RFX3: variants seen among roughly 807,000 people sequenced by gnomAD.
The protein encoded by RFX3 is transcription factor RFX3.
In RFX3, 14 loss-of-function variants were observed where a neutral mutation model predicts 98.6. That is an observed-to-expected ratio of 0.14 (90% CI 0.09 to 0.22). The LOEUF (loss-of-function observed/expected upper bound fraction) is 0.22. Ranked by LOEUF, RFX3 falls within the 10% of genes least tolerant of loss-of-function variation. RFX3 has a pLI of 1.00. For synonymous variants in RFX3, 383 were observed against 328.4 expected, an observed-to-expected ratio of 1.17 and a Z score of -1.80; for missense variants, 639 against 926.9, an observed-to-expected ratio of 0.69 and a Z score of 4.03.
Position 3,223,629 on chromosome 9 carries a change from A to T in RFX3, c.*1413T>A, listed in dbSNP as rs1479314076. ...TAAAAAATAGATCCACGGTCACTCA[A>T]AGAGGGAAACTGATTTTTGTCTTTT... On this transcript the variant is annotated 3_prime_UTR_variant, in exon 17 of 17. Coordinates refer to ENST00000617270, the MANE Select transcript of RFX3 (RefSeq NM_001282116.2). 6.6e-6 allele frequency: 1 copy of T among 152,214 alleles called. No individual in the cohort carries two copies. Among genetic ancestry groups the T allele is most frequent in the Non-Finnish European group, 1.5e-5 (1 of 68,036 alleles). The allele number at this position is 152,214 out of a possible 1,614,324, so 9.4% of individuals were successfully genotyped here.
At chr9:3,447,997 C>A (rs1486414099) in intron 1 of RFX3, among the ~76,000 whole-genome samples, 2 of 152,144 alleles carry the variant, frequency 1.3e-5, no homozygotes, top group East Asian at 1.9e-4. Flanking sequence ...CAAGGAATCA[C>A]AAGCATTTTC....
chr9:3,280,364 C>G (rs943477474), intron 7 of RFX3, among the ~76,000 whole-genome samples: 4 of 151,702 alleles, frequency 2.6e-5, no homozygotes, highest in Non-Finnish European at 5.9e-5. Context: ...GCTTTTCTTG[C>G]TTTAAGTAAT....
At chr9:3,341,310 C>T (rs894377150) in intron 3 of RFX3, among the ~76,000 whole-genome samples, 14 of 151,500 alleles carry the variant, frequency 9.2e-5, no homozygotes, top group South Asian at 4.2e-4. Flanking sequence ...TGCTAAATGA[C>T]GAGTTAATGG....
intron 3 of RFX3, among the ~76,000 whole-genome samples, chr9:3,332,437 C>T (rs898460080): frequency 6.6e-6 from 1 of 152,098 alleles, no homozygotes; most frequent in African/African-American, 2.4e-5. Flanking sequence ...TCTTATGTTG[C>T]TGCTCAAAAA....
At chr9:3,330,595 T>G (rs1832477290) in intron 3 of RFX3, 78 bp from the exon 4 acceptor site, 1 of 1,326,162 alleles carries the variant, frequency 7.5e-7, no homozygotes. Context: ...ATGAATGTAA[T>G]TGAAATATAT....
At chr9:3,365,948 A>G (rs1837012412) in intron 2 of RFX3, among the ~76,000 whole-genome samples, 2 of 151,762 alleles carry the variant, frequency 1.3e-5, no homozygotes, top group South Asian at 4.1e-4. Context: ...TTAACTCTCT[A>G]ACTTAGGAGT....
intron 2 of RFX3, among the ~76,000 whole-genome samples, chr9:3,349,362 A>T (rs965549656): frequency 6.6e-6 from 1 of 152,080 alleles, no homozygotes; most frequent in African/African-American, 2.4e-5. Flanking sequence ...GTATTACTAT[A>T]AAGTCACTTA....
At chr9:3,458,883 T>G (rs1199678805) in intron 1 of RFX3, among the ~76,000 whole-genome samples, 1 of 152,188 alleles carries the variant, frequency 6.6e-6, no homozygotes, top group Non-Finnish European at 1.5e-5. Flanking sequence ...GAATAAGTAG[T>G]TACAGACAAA....
chr9:3,487,283 G>A (rs1450674454), intron 1 of RFX3, among the ~76,000 whole-genome samples: 1 of 152,328 alleles, frequency 6.6e-6, no homozygotes, highest in South Asian at 2.1e-4. Flanking sequence ...TACAAAGAAT[G>A]AGGATATTTA....
At chr9:3,324,412 T>C (rs1267053981) in intron 4 of RFX3, among the ~76,000 whole-genome samples, 1 of 152,096 alleles carries the variant, frequency 6.6e-6, no homozygotes, top group Non-Finnish European at 1.5e-5. Context: ...TAATCCAATA[T>C]TATTTCAACA....
At chr9:3,297,178 T>C (rs187897565) in intron 5 of RFX3, among the ~76,000 whole-genome samples, 177 of 152,238 alleles carry the variant, frequency 1.2e-3, no homozygotes, top group Middle Eastern at 0.01. Context: ...GACATTAGTA[T>C]TCCCCAATCT....
intron 1 of RFX3, among the ~76,000 whole-genome samples, chr9:3,439,862 T>C (rs1016962829): frequency 2.6e-5 from 4 of 151,978 alleles, no homozygotes; most frequent in African/African-American, 9.7e-5. Context: ...TACATAAATG[T>C]AAAAATCTTA....
intron 1 of RFX3, among the ~76,000 whole-genome samples, chr9:3,517,275 G>T (rs1818274979): frequency 6.6e-6 from 1 of 152,056 alleles, no homozygotes; most frequent in Non-Finnish European, 1.5e-5. Flanking sequence ...CCAGGCTAAG[G>T]TTTTACAGTT....
At chr9:3,438,183 G>A (rs990946123) in intron 1 of RFX3, among the ~76,000 whole-genome samples, 2 of 152,052 alleles carry the variant, frequency 1.3e-5, no homozygotes, top group African/African-American at 4.8e-5. Flanking sequence ...CCTAAAAAAG[G>A]TCATTCAAAA....
intron 1 of RFX3, among the ~76,000 whole-genome samples, chr9:3,467,285 CAT>C (rs922512356): frequency 7.0e-5 from 10 of 142,208 alleles, no homozygotes; most frequent in Non-Finnish European, 1.2e-4. Flanking sequence ...CATATATATA[CAT>C]ATATATACAC....
intron 7 of RFX3, 27 bp downstream of exon 7, chr9:3,288,104 C>T: frequency 6.2e-7 from 1 of 1,610,968 alleles, no homozygotes; most frequent in South Asian, 1.1e-5. Flanking sequence ...ATAGCTTGGA[C>T]ACATCAATGA....
chr9:3,369,081 C>A (rs1329762558), intron 2 of RFX3, among the ~76,000 whole-genome samples: 1 of 152,144 alleles, frequency 6.6e-6, no homozygotes, highest in East Asian at 1.9e-4. Flanking sequence ...GAAAAAATCA[C>A]AAAGGCAAAT....
At chr9:3,421,765 C>G (rs529653800) in intron 1 of RFX3, among the ~76,000 whole-genome samples, 1 of 152,302 alleles carries the variant, frequency 6.6e-6, no homozygotes, top group African/African-American at 2.4e-5. Flanking sequence ...TAGACGAATG[C>G]TGGCTTCCAC....
At chr9:3,250,195 C>T (rs7868041) in intron 14 of RFX3, among the ~76,000 whole-genome samples, 23,585 of 151,744 alleles carry the variant, frequency 0.16, 2,109 homozygotes, top group African/African-American at 0.25. Context: ...GAAAATGTTA[C>T]ATAACGTTTT....
Sources: gnomAD v4.1 joint callset for allele counts (sites outside exome capture counted in the v4.1 genomes callset) on GRCh38, gnomAD v4.1.1 for gene constraint, MANE v1.5 for transcripts, NCBI Gene and HGNC (gene_info 2026-07-23, HGNC 2026-07-21) for gene names.